Variants in MCCC1 observed in about 807,000 individuals in gnomAD.
MCCC1 encodes the protein methylcrotonyl-CoA carboxylase subunit 1.
Under a neutral mutation model 83.8 loss-of-function variants are expected in MCCC1, and 64 were observed. That is an observed-to-expected ratio of 0.76 (90% CI 0.62 to 0.94). The LOEUF is 0.94. MCCC1 is among the 40% of genes least tolerant of loss of function. The probability of loss-of-function intolerance (pLI) is 0.00; values close to 1 mark genes in which losing one functional copy is unlikely to be tolerated. For missense variants in MCCC1, 807 were observed against 904.7 expected, an observed-to-expected ratio of 0.89 and a Z score of 1.39; for synonymous variants, 322 against 315.4, an observed-to-expected ratio of 1.02 and a Z score of -0.22.
chr3:183,099,481 G>C lies in MCCC1; in HGVS notation c.-41C>G. 6.4e-7 allele frequency: 1 copy of C among 1,571,166 alleles called. No individual in the cohort carries two copies. Among genetic ancestry groups the C allele is most frequent in the East Asian group, 2.4e-5 (1 of 42,278 alleles). On this transcript the variant is annotated 5_prime_UTR_variant, in exon 1 of 19. Coordinates refer to ENST00000265594, the MANE Select transcript of MCCC1 (RefSeq NM_020166.5). ...CCACTCCGTGACTCCCCAGTACAGA[G>C]GCAGCTGCGTCCCACACGCCAAACC...
In MCCC1 at chr3:183,034,022, G is replaced by C. The variant is rs767017179; in HGVS notation, c.1650C>G (p.Thr550=). The change falls in exon 14 of 19, where the codon ACC becomes ACG. Residue 550 remains threonine (T), a synonymous_variant. Transcript: ENST00000265594. ...TACCATCTTTAAGAGTCATGTTTCT[G>C]GTATACGAGATATTCAGTCTTCTTC... The part of the protein sequence containing the change: ...SSGRRLNISY[T]RNMTLKDGKN... 6.2e-7 allele frequency: 1 copy of C among 1,610,912 alleles called. No homozygotes were observed. Among genetic ancestry groups the C allele is most frequent in the Admixed American group, 1.7e-5 (1 of 59,984 alleles).
intron 11 of MCCC1, among the ~76,000 whole-genome samples, chr3:183,040,987 G>T (rs1714033368): frequency 6.6e-6 from 1 of 152,150 alleles, no homozygotes; most frequent in African/African-American, 2.4e-5. Context: ...CTAGAAAACA[G>T]GGATGATAAT....
chr3:183,020,356 G>C (rs1042796338), intron 16 of MCCC1, 119 bp from the exon 17 acceptor site: 13 of 863,012 alleles, frequency 1.5e-5, no homozygotes, highest in Non-Finnish European at 2.4e-5. Flanking sequence ...TCATGGCCAG[G>C]CCCAGTGGCT....
chr3:183,089,499 A>G (rs1718157894), intron 3 of MCCC1, among the ~76,000 whole-genome samples: 1 of 152,168 alleles, frequency 6.6e-6, no homozygotes, highest in Admixed American at 6.5e-5. Flanking sequence ...CTGTAGTCCC[A>G]GCTACTCAGG....
intron 4 of MCCC1, 113 bp from the exon 5 acceptor site, chr3:183,072,600 A>G (rs939782499): frequency 1.6e-5 from 18 of 1,147,316 alleles, no homozygotes; most frequent in Non-Finnish European, 2.2e-5. Flanking sequence ...TGGTAATAGT[A>G]TGGTCTCTAT....
intron 3 of MCCC1, chr3:183,090,881 C>A: frequency 2.4e-6 from 1 of 424,104 alleles, no homozygotes. Context: ...AGCCACTGCG[C>A]CCAGCCGGGA....
At chr3:183,058,474 T>C (rs554814057) in intron 7 of MCCC1, among the ~76,000 whole-genome samples, 38 of 152,146 alleles carry the variant, frequency 2.5e-4, no homozygotes, top group African/African-American at 9.2e-4. Context: ...TTTTATAAAT[T>C]AGCCAGGCAT....
chr3:183,029,764 A>G (rs1056565), intron 14 of MCCC1, among the ~76,000 whole-genome samples: 136,981 of 152,118 alleles, frequency 0.9, 61,968 homozygotes, highest in East Asian at 1. Context: ...ATTCTTCCCT[A>G]TCCTATGCAT....
chr3:183,093,277 A>T lies in MCCC1; in HGVS notation c.137-732T>A, dbSNP rs769398444. ...AACATCGACTTAAATTTTCACAATA[A>T]TCCTAATGAAATAGATACTATCATT... On this transcript the variant is annotated intron_variant, in intron 2 of 18. Coordinates refer to ENST00000265594, the MANE Select transcript of MCCC1 (RefSeq NM_020166.5). Among the ~76,000 whole-genome samples, 4 of 152,322 alleles carry T rather than the reference A, an allele frequency of 2.6e-5. No individual in the cohort carries two copies. In the South Asian group the frequency reaches 8.3e-4, roughly 32 times the overall value.
upstream of MCCC1, chr3:183,099,547 C>CG: frequency 1.5e-6 from 2 of 1,336,832 alleles, no homozygotes; most frequent in Non-Finnish European, 2.1e-6. Context: ...CGCCGGCCAC[C>CG]GTCGGAGCCT....
At chr3:183,041,809 A>G in intron 10 of MCCC1, 59 bp from the exon 11 acceptor site, 1 of 1,584,540 alleles carries the variant, frequency 6.3e-7, no homozygotes, top group East Asian at 2.2e-5. Context: ...CAGACTTAGT[A>G]AATCAATGGT....
At position 183,086,697 on chromosome 3, in the gene MCCC1, G is replaced by A. The variant is rs200477404; in HGVS notation, c.365C>T (p.Ala122Val). ...AAATCTCTTCACAACCCTCACCTGT[G>A]CAGCAGAGGTCTTGGCCACTTGAAT... is the stretch of plus-strand genomic sequence containing the variant. Reference protein sequence around the residue: ...KIIQVAKTSAAQAIHPGCGFL... With the variant: ...KIIQVAKTSAVQAIHPGCGFL... The change falls in exon 4 of 19, where the codon GCA becomes GTA. Residue 122 changes from alanine (A) to valine (V), a missense_variant. Physicochemically the swap from Ala to Val is moderately conservative, Grantham distance 64. Transcript: ENST00000265594. 56 of 1,613,226 alleles carry A rather than the reference G, an allele frequency of 3.5e-5. No homozygotes were observed. The highest frequency in any genetic ancestry group is 4.5e-5 in the Non-Finnish European group (53 of 1,179,296).
At chr3:183,066,031 A>AG (rs1275281758) in intron 7 of MCCC1, among the ~76,000 whole-genome samples, 3 of 152,212 alleles carry the variant, frequency 2.0e-5, no homozygotes, top group Admixed American at 2.0e-4. Context: ...TACAGGAAGC[A>AG]GTGTCAAATG....
chr3:183,097,352 A>G (rs1480472274), intron 1 of MCCC1, among the ~76,000 whole-genome samples: 1 of 152,248 alleles, frequency 6.6e-6, no homozygotes, highest in African/African-American at 2.4e-5. Context: ...GAGCTACTAA[A>G]GATTCATAAC....
At position 183,041,770 on chromosome 3, in the gene MCCC1, T is replaced by G. The variant is rs1714109739; in HGVS notation, c.1084-20A>C. On this transcript the variant is annotated intron_variant, in intron 10 of 18. Coordinates refer to ENST00000265594, the MANE Select transcript of MCCC1 (RefSeq NM_020166.5). ...TGCAATCTGGCAATAGAATAGTGTT[T>G]CTTATGAAATCTACCGTATAGCGGC... The G allele has an allele frequency of 6.2e-7, 1 of 1,613,732 alleles. No homozygotes were observed. Among genetic ancestry groups the G allele is most frequent in the African/African-American group, 1.3e-5 (1 of 74,940 alleles).
At chr3:183,036,952 C>T (rs369048489) in intron 13 of MCCC1, among the ~76,000 whole-genome samples, 4 of 152,110 alleles carry the variant, frequency 2.6e-5, no homozygotes, top group South Asian at 2.1e-4. Context: ...GGATTACAGA[C>T]GTGAGCCACC....
At chr3:183,023,783 T>A (rs1712352118) in intron 15 of MCCC1, among the ~76,000 whole-genome samples, 1 of 152,202 alleles carries the variant, frequency 6.6e-6, no homozygotes, top group Non-Finnish European at 1.5e-5. Flanking sequence ...ACTATAGGAA[T>A]TTGATTGAAT....
Position 183,099,333 on chromosome 3 carries a change from CCA to C in MCCC1, c.89+17_89+18del, listed in dbSNP as rs1560288958. Reference sequence around the variant, plus strand: ...CTCGCTCCCGCCTCTGCCCACTGAGCCATGGCCCCTCCACCCACCTCGGCGGC... The same window carrying C: ...CTCGCTCCCGCCTCTGCCCACTGAGCTGGCCCCTCCACCCACCTCGGCGGC... On this transcript the variant is annotated intron_variant, in intron 1 of 18. Coordinates refer to ENST00000265594, the MANE Select transcript of MCCC1 (RefSeq NM_020166.5). 3 of 1,582,960 alleles carry C rather than the reference CCA, an allele frequency of 1.9e-6. No homozygotes were observed. The South Asian group carries it at 3.4e-5, about 18-fold the overall frequency.
At chr3:183,049,642 A>G (rs145374629) in intron 9 of MCCC1, among the ~76,000 whole-genome samples, 211 of 152,212 alleles carry the variant, frequency 1.4e-3, no homozygotes, top group African/African-American at 4.7e-3. Flanking sequence ...TAAGAAAAAA[A>G]GAAGAGAGAA....
Sources: gnomAD v4.1 joint callset for allele counts (sites outside exome capture counted in the v4.1 genomes callset) on GRCh38, gnomAD v4.1.1 for gene constraint, MANE v1.5 for transcripts, NCBI Gene and HGNC (gene_info 2026-07-23, HGNC 2026-07-21) for gene names.